MARK2: variants seen among roughly 807,000 people sequenced by gnomAD.
MARK2 encodes the protein microtubule affinity regulating kinase 2, also known as serine/threonine-protein kinase MARK2.
In MARK2, 16 loss-of-function variants were observed where a neutral mutation model predicts 89.8. The observed-to-expected ratio is 0.18, with a 90% CI of 0.12 to 0.27. The LOEUF (loss-of-function observed/expected upper bound fraction) is 0.27. Among genes scored for constraint, MARK2 ranks in the 10% least tolerant of loss-of-function variants. MARK2 has a pLI of 1.00. For missense variants in MARK2, 621 were observed against 1,049.9 expected, an observed-to-expected ratio of 0.59 and a Z score of 5.65; for synonymous variants, 382 against 399.5, an observed-to-expected ratio of 0.96 and a Z score of 0.52.
In MARK2 at chr11:63,903,967, C is replaced by T. The variant is rs369701350; in HGVS notation, c.1515-19C>T. On this transcript the variant is annotated intron_variant, in intron 14 of 18. Transcript: ENST00000402010. The surrounding 1 kb of genome is among the most constrained non-coding windows in gnomAD (Gnocchi z 5.1). ...CACTCACCCCTAACACGGGCCTCTC[C>T]GCTGCTTTTGTTTCCTAGCCTAACC... The T allele has an allele frequency of 1.1e-4, 175 of 1,590,416 alleles. No homozygotes were observed. Among genetic ancestry groups the T allele is most frequent in the Non-Finnish European group, 1.4e-4 (163 of 1,166,858 alleles).
At chr11:63,869,965 C>G (rs1938355712) in intron 1 of MARK2, among the ~76,000 whole-genome samples, 1 of 152,168 alleles carries the variant, frequency 6.6e-6, no homozygotes, top group African/African-American at 2.4e-5. Flanking sequence ...AGCATGGAAA[C>G]AAAAGTCCCA....
intron 1 of MARK2, among the ~76,000 whole-genome samples, chr11:63,886,177 AGTGCAGTGGCACGAT>A (rs1939388002): frequency 6.6e-6 from 1 of 151,480 alleles, no homozygotes; most frequent in Non-Finnish European, 1.5e-5. Context: ...CCCAAGCTGG[AGTGCAGTGGCACGAT>A]CATAGCTCAC....
In MARK2 at chr11:63,909,171, G is replaced by T; in HGVS notation, c.2301G>T (p.Arg767=). The T allele has an allele frequency of 6.2e-7, 1 of 1,611,918 alleles. No homozygotes were observed. Among genetic ancestry groups the T allele is most frequent in the Non-Finnish European group, 8.5e-7 (1 of 1,178,212 alleles). ...CTCTCAACGGGGTTCGATTTAAGCG[G>T]ATATCGGGCACCTCCATGGCCTTCA... ...RLSLNGVRFK[R]ISGTSMAFKN... The change falls in exon 19 of 19, where the codon CGG becomes CGT. Residue 767 remains arginine (R), a synonymous_variant. Transcript: ENST00000402010.
In MARK2 at chr11:63,867,755, C is replaced by T. The variant is rs1938214063; in HGVS notation, c.55-27404C>T. ...CAGCACTGCCTAACTCTCACCATGG[C>T]TGACGCCGTGGGCAGGCATCCGCAT... is the stretch of plus-strand genomic sequence containing the variant. On this transcript the variant is annotated intron_variant, in intron 1 of 18. Coordinates refer to ENST00000402010, the MANE Select transcript of MARK2 (RefSeq NM_001039469.3). 1.3e-5 allele frequency among the ~76,000 whole-genome samples: 2 copies of T among 152,206 alleles called. 1 individual carries two copies. The highest frequency in any genetic ancestry group is 4.1e-4 in the South Asian group (2 of 4,830).
intron 7 of MARK2, 151 bp from the exon 8 acceptor site, chr11:63,899,723 G>A (rs1940715029): frequency 5.8e-6 from 4 of 688,526 alleles, no homozygotes; most frequent in African/African-American, 3.5e-5. Flanking sequence ...GCCTATTCAC[G>A]CTGATTGAAG....
At position 63,902,330 on chromosome 11, in the gene MARK2, G is replaced by A; in HGVS notation, c.1234G>A (p.Ala412Thr). Residue 412 changes from alanine (A) to threonine (T), a missense_variant and splice_region_variant, in exon 12 of 19, where the codon GCA becomes ACA. Transcript: ENST00000402010. The surrounding 1 kb of genome is among the most constrained non-coding windows in gnomAD (Gnocchi z 4.2). ...NPKQRRFSDQ[A>T]AGPAIPTSNS... Reference sequence around the variant, plus strand: ...CAAGCAGCGGCGCTTCAGCGACCAGGGTAAATGCTTTTGGGAGTTGTAGGT... The same window carrying A: ...CAAGCAGCGGCGCTTCAGCGACCAGAGTAAATGCTTTTGGGAGTTGTAGGT... The A allele has an allele frequency of 6.2e-7, 1 of 1,613,984 alleles. No homozygotes were observed.
intron 1 of MARK2, among the ~76,000 whole-genome samples, chr11:63,854,927 C>A (rs543540874): frequency 1.3e-5 from 2 of 151,892 alleles, no homozygotes; most frequent in Admixed American, 6.6e-5. Flanking sequence ...GAACCAGCTG[C>A]AGGGATCATA....
Position 63,839,444 on chromosome 11 carries a change from C to T in MARK2, c.-63C>T, listed in dbSNP as rs2015888682. 9.4e-7 allele frequency: 1 copy of T among 1,065,656 alleles called. No homozygotes were observed. The highest frequency in any genetic ancestry group is 1.6e-5 in the African/African-American group (1 of 62,534). The allele number at this position is 1,065,656 out of a possible 1,614,324, so 66.0% of individuals were successfully genotyped here. A position where few individuals can be genotyped will look rare whatever the true frequency, so the allele number is the denominator to read the frequency against. ...TGAGAAGCCCCGCCCGGCCGGGCTC[C>T]GCGCCTTCCCTTCCCTCCCTTCCTC... On this transcript the variant is annotated 5_prime_UTR_variant, in exon 1 of 19. Coordinates refer to ENST00000402010, the MANE Select transcript of MARK2 (RefSeq NM_001039469.3).
At chr11:63,868,758 G>A (rs1170485582) in intron 1 of MARK2, 7 of 455,606 alleles carry the variant, frequency 1.5e-5, no homozygotes, top group Admixed American at 1.2e-4. Flanking sequence ...TTTTTGATGG[G>A]TGGGCAGAGG....
At chr11:63,859,803 T>C (rs1053675713) in intron 1 of MARK2, among the ~76,000 whole-genome samples, 8 of 152,102 alleles carry the variant, frequency 5.3e-5, no homozygotes, top group Non-Finnish European at 1.2e-4. Flanking sequence ...GGCTTATTTT[T>C]GTATTTTTAG....
At chr11:63,882,036 C>T (rs2135290511) in intron 1 of MARK2, among the ~76,000 whole-genome samples, 1 of 152,234 alleles carries the variant, frequency 6.6e-6, no homozygotes, top group Middle Eastern at 3.4e-3. Flanking sequence ...GTGACCACTC[C>T]CCGCTAAGAC....
intron 1 of MARK2, among the ~76,000 whole-genome samples, chr11:63,864,553 C>T (rs1938020712): frequency 6.6e-6 from 1 of 151,918 alleles, no homozygotes; most frequent in Non-Finnish European, 1.5e-5. Flanking sequence ...AGCCACCGTG[C>T]CTGGCTTTAT....
intron 1 of MARK2, among the ~76,000 whole-genome samples, chr11:63,841,170 AGTT>A (rs1261914924): frequency 6.6e-6 from 1 of 152,022 alleles, no homozygotes; most frequent in Non-Finnish European, 1.5e-5. Context: ...CCGGTAGAGC[AGTT>A]GTTGTATTCT....
intron 1 of MARK2, among the ~76,000 whole-genome samples, chr11:63,877,224 C>T (rs1938819806): frequency 1.3e-5 from 2 of 149,794 alleles, no homozygotes; most frequent in Admixed American, 1.4e-4. Flanking sequence ...GATCCTCCCA[C>T]CTGGGCCTCC....
intron 1 of MARK2, among the ~76,000 whole-genome samples, chr11:63,870,723 G>A (rs1938397199): frequency 6.6e-6 from 1 of 152,258 alleles, no homozygotes; most frequent in African/African-American, 2.4e-5. Context: ...GCTGGGAAAT[G>A]TCCGGAGAGA....
chr11:63,892,105 CAAT>C (rs1939904300), intron 1 of MARK2, among the ~76,000 whole-genome samples: 1 of 152,154 alleles, frequency 6.6e-6, no homozygotes, highest in Non-Finnish European at 1.5e-5. Flanking sequence ...AATGAGCAGA[CAAT>C]AAGAGCTGGG....
chr11:63,899,809 C>G, intron 7 of MARK2, 65 bp from the exon 8 acceptor site: 1 of 1,055,668 alleles, frequency 9.5e-7, no homozygotes, highest in Non-Finnish European at 1.5e-6. Flanking sequence ...CCCCTCAGCT[C>G]CTTCCTGCCC....
In MARK2 at chr11:63,909,035, G is replaced by T; in HGVS notation, c.2165G>T (p.Ser722Ile). 6.2e-7 allele frequency: 1 copy of T among 1,600,148 alleles called. No individual in the cohort carries two copies. Among genetic ancestry groups the T allele is most frequent in the Non-Finnish European group, 8.6e-7 (1 of 1,168,520 alleles). The change falls in exon 19 of 19, where the codon AGC becomes ATC. Residue 722 changes from serine (S) to isoleucine (I), a missense_variant. Ser to Ile is a moderately radical substitution (Grantham distance 142). This residue lies in a region of MARK2 where 49 missense variants were observed against 46.7 expected (regional missense o/e 1.05). Transcript: ENST00000402010. ...ATCCGCAAGGTGCTGGACGCGAACA[G>T]CTGCCAGAGCGAGCTGCATGAGAAG... ...REIRKVLDAN[S>I]CQSELHEKYM...
chr11:63,892,578 T>C (rs746041902), intron 1 of MARK2, among the ~76,000 whole-genome samples: 14 of 152,160 alleles, frequency 9.2e-5, no homozygotes, highest in Non-Finnish European at 1.6e-4. Flanking sequence ...CCAGACTGTT[T>C]CCTTGAAGTT....
Sources: allele counts gnomAD v4.1 joint callset (sites outside exome capture counted in the v4.1 genomes callset), GRCh38; gene constraint gnomAD v4.1.1; regional missense constraint gnomAD v4.1.1; non-coding constraint Gnocchi (gnomAD v3.1); transcripts MANE v1.5; gene names NCBI Gene and HGNC (gene_info 2026-07-23, HGNC 2026-07-21).